SMURF2: variants seen among roughly 807,000 people sequenced by gnomAD.
SMURF2 encodes the protein E3 ubiquitin-protein ligase SMURF2.
A neutral mutation model predicts 109.6 loss-of-function variants in SMURF2; 48 were observed. The observed-to-expected ratio is 0.44, with a 90% CI of 0.35 to 0.56. The LOEUF is 0.56. SMURF2 is among the 20% of genes least tolerant of loss of function. The pLI is 0.01. For synonymous variants in SMURF2, 288 were observed against 317.1 expected, an observed-to-expected ratio of 0.91 and a Z score of 0.97; for missense variants, 575 against 909.0, an observed-to-expected ratio of 0.63 and a Z score of 4.72.
At chr17:64,597,273 C>T (rs1320866632) in intron 3 of SMURF2, among the ~76,000 whole-genome samples, 4 of 152,010 alleles carry the variant, frequency 2.6e-5, no homozygotes, top group Admixed American at 2.0e-4. Flanking sequence ...ATTAGCTGGG[C>T]ATGGTGGCAT....
chr17:64,556,058 A>G, intron 13 of SMURF2, 60 bp from the exon 14 acceptor site: 1 of 1,271,512 alleles, frequency 7.9e-7, no homozygotes, highest in Non-Finnish European at 1.1e-6. Flanking sequence ...TTTAATAAAA[A>G]TGAAATATTT....
At chr17:64,618,463 T>A (rs1568197417) in intron 1 of SMURF2, among the ~76,000 whole-genome samples, 1 of 152,200 alleles carries the variant, frequency 6.6e-6, no homozygotes, top group Non-Finnish European at 1.5e-5. Context: ...TATTCCTATA[T>A]GAGGATGAAA....
Position 64,662,247 on chromosome 17 carries a change from C to CG in SMURF2, c.-368dup. 3.1e-6 allele frequency: 3 copies of CG among 983,350 alleles called. No individual in the cohort carries two copies. The highest frequency in any genetic ancestry group is 3.6e-6 in the Non-Finnish European group (3 of 829,176). The allele number at this position is 983,350 out of a possible 1,614,324, so 60.9% of individuals were successfully genotyped here. A position where few individuals can be genotyped will look rare whatever the true frequency, so the allele number is the denominator to read the frequency against. On this transcript the variant is annotated 5_prime_UTR_variant, in exon 1 of 19. Transcript: ENST00000262435. ...CTGGTCGGCTGAAGCGGGCGGTGCTCGGGGGCGCCGGAGCAGAACTCTGGG... is the reference window on the plus strand; with the variant it reads ...CTGGTCGGCTGAAGCGGGCGGTGCTCGGGGGGCGCCGGAGCAGAACTCTGGG...
intron 14 of SMURF2, 50 bp from the exon 15 acceptor site, chr17:64,555,043 A>C: frequency 1.3e-6 from 2 of 1,514,432 alleles, no homozygotes; most frequent in Non-Finnish European, 1.8e-6. Flanking sequence ...TAAAATACAG[A>C]CCCTATAGAT....
intron 5 of SMURF2, among the ~76,000 whole-genome samples, chr17:64,587,193 T>C (rs556519092): frequency 1.3e-5 from 2 of 152,016 alleles, no homozygotes; most frequent in African/African-American, 4.8e-5. Context: ...AAATAAATAA[T>C]AAATAAATAA....
intron 1 of SMURF2, among the ~76,000 whole-genome samples, chr17:64,659,222 G>A (rs921051761): frequency 6.6e-6 from 1 of 152,040 alleles, no homozygotes; most frequent in Non-Finnish European, 1.5e-5. Context: ...CAGCAAAGGG[G>A]CAATTCCACA....
intron 1 of SMURF2, among the ~76,000 whole-genome samples, chr17:64,631,939 A>ATTCTAAGAC (rs1970353071): frequency 1.6e-5 from 1 of 64,274 alleles, no homozygotes; most frequent in South Asian, 5.4e-4. Context: ...CCCTAGTATT[A>ATTCTAAGAC]TTCTAAGACT....
chr17:64,656,942 A>G (rs1288110231), intron 1 of SMURF2, among the ~76,000 whole-genome samples: 2 of 152,202 alleles, frequency 1.3e-5, no homozygotes, highest in South Asian at 2.1e-4. Context: ...GGCAAACTAC[A>G]GTAAGGTCCA....
chr17:64,653,140 A>T (rs1419326091), intron 1 of SMURF2, among the ~76,000 whole-genome samples: 1 of 152,086 alleles, frequency 6.6e-6, no homozygotes, highest in Non-Finnish European at 1.5e-5. Flanking sequence ...GGGAGAAAAT[A>T]TTTGCAAAGT....
chr17:64,592,903 A>C (rs782340031), intron 4 of SMURF2: 2 of 152,198 alleles, frequency 1.3e-5, no homozygotes, highest in Non-Finnish European at 2.9e-5. Flanking sequence ...TGTACACTCA[A>C]AATAACGTTT....
At chr17:64,619,136 C>T (rs561747773) in intron 1 of SMURF2, among the ~76,000 whole-genome samples, 1 of 152,018 alleles carries the variant, frequency 6.6e-6, no homozygotes. Context: ...TATTATTACT[C>T]AACTCTAAAA....
chr17:64,601,588 A>G (rs1969896809), intron 2 of SMURF2, among the ~76,000 whole-genome samples: 1 of 152,202 alleles, frequency 6.6e-6, no homozygotes, highest in East Asian at 1.9e-4. Flanking sequence ...GAACACTTTT[A>G]CACGGCTGGT....
intron 1 of SMURF2, among the ~76,000 whole-genome samples, chr17:64,613,520 T>C (rs2144685003): frequency 6.6e-6 from 1 of 152,042 alleles, no homozygotes; most frequent in African/African-American, 2.4e-5. Flanking sequence ...TGTTGAGAAA[T>C]GCTGGGCAGT....
intron 16 of SMURF2, among the ~76,000 whole-genome samples, chr17:64,548,736 A>G (rs1180576083): frequency 2.6e-5 from 4 of 152,180 alleles, no homozygotes; most frequent in Non-Finnish European, 5.9e-5. Flanking sequence ...AAAATACATG[A>G]GCACATTGAT....
intron 11 of SMURF2, among the ~76,000 whole-genome samples, chr17:64,562,252 C>T (rs1228513451): frequency 8.9e-6 from 1 of 112,472 alleles, no homozygotes; most frequent in African/African-American, 3.6e-5. Context: ...GAGATTGCGT[C>T]ACTGCACTCC....
chr17:64,569,879 T>C (rs1969374528), intron 10 of SMURF2, among the ~76,000 whole-genome samples: 1 of 152,228 alleles, frequency 6.6e-6, no homozygotes, highest in Admixed American at 6.5e-5. Context: ...AGACTGCAGA[T>C]GACACTTATT....
At chr17:64,653,924 C>G (rs1598319002) in intron 1 of SMURF2, among the ~76,000 whole-genome samples, 1 of 152,028 alleles carries the variant, frequency 6.6e-6, no homozygotes, top group African/African-American at 2.4e-5. Flanking sequence ...GTACTGATAC[C>G]CAGCATGAAT....
intron 1 of SMURF2, among the ~76,000 whole-genome samples, chr17:64,611,715 A>G (rs1970047000): frequency 6.6e-6 from 1 of 152,118 alleles, no homozygotes; most frequent in Non-Finnish European, 1.5e-5. Context: ...ACTTCTTTCC[A>G]GTTCTCCACG....
intron 5 of SMURF2, among the ~76,000 whole-genome samples, chr17:64,587,271 G>A (rs1969677656): frequency 6.6e-6 from 1 of 152,140 alleles, no homozygotes; most frequent in Non-Finnish European, 1.5e-5. Context: ...TTGGATTGAT[G>A]GAGTTTTAAC....
Sources: gnomAD v4.1 joint callset for allele counts (sites outside exome capture counted in the v4.1 genomes callset) on GRCh38, gnomAD v4.1.1 for gene constraint, MANE v1.5 for transcripts, NCBI Gene and HGNC (gene_info 2026-07-23, HGNC 2026-07-21) for gene names.